Variants in TACR3 observed in about 807,000 individuals in gnomAD.
TACR3 encodes neuromedin-K receptor.
TACR3 carries 34 observed loss-of-function variants against 35.0 expected under a neutral mutation model. The ratio of observed to expected loss-of-function variants is 0.97; its 90% CI spans 0.74 to 1.30. The LOEUF (loss-of-function observed/expected upper bound fraction) is 1.30. Ranked by LOEUF, TACR3 falls within the 50% of genes most tolerant of loss-of-function variation. TACR3 has a pLI of 0.00. For synonymous variants in TACR3, 233 were observed against 221.1 expected, an observed-to-expected ratio of 1.05 and a Z score of -0.48; for missense variants, 558 against 591.7, an observed-to-expected ratio of 0.94 and a Z score of 0.59.
At position 103,591,683 on chromosome 4, in the gene TACR3, C is replaced by T; in HGVS notation, c.889G>A (p.Val297Ile). 6.2e-7 allele frequency: 1 copy of T among 1,610,220 alleles called. No homozygotes were observed. Among genetic ancestry groups the T allele is most frequent in the Non-Finnish European group, 8.5e-7 (1 of 1,178,358 alleles). ...YHEQLKAKRK[V>I]VKMMIIVVMT... ...ACAACAATAATCATCATTTTGACAA[C>T]CTATAAAGAAAAAAAGTCATTTTTG... is the stretch of plus-strand genomic sequence containing the variant. Residue 297 changes from valine (V) to isoleucine (I), a missense_variant and splice_region_variant, in exon 4 of 5, where the codon GTT becomes ATT. Val to Ile is a conservative substitution (Grantham distance 29). Transcript: ENST00000304883.
chr4:103,654,679 TA>T (rs1195633724), intron 3 of TACR3, among the ~76,000 whole-genome samples: 2 of 150,440 alleles, frequency 1.3e-5, no homozygotes, highest in Non-Finnish European at 3.0e-5. Flanking sequence ...ACATGTACCC[TA>T]AAACTTAAAG....
At chr4:103,623,022 T>G (rs767145805) in intron 3 of TACR3, among the ~76,000 whole-genome samples, 7 of 152,082 alleles carry the variant, frequency 4.6e-5, no homozygotes, top group Non-Finnish European at 8.8e-5. Flanking sequence ...CTACCTGTCC[T>G]CCAACTGGAG....
At chr4:103,706,411 C>T (rs573606994) in intron 1 of TACR3, among the ~76,000 whole-genome samples, 2 of 152,072 alleles carry the variant, frequency 1.3e-5, no homozygotes, top group South Asian at 2.1e-4. Context: ...TATCCTGATG[C>T]TAAAGTATAT....
chr4:103,613,469 G>A lies in TACR3; in HGVS notation c.889-21786C>T, dbSNP rs565396514. Among the ~76,000 whole-genome samples the A allele has an allele frequency of 4.6e-5, 7 of 151,076 alleles. No individual in the cohort carries two copies. In the South Asian group the frequency reaches 6.3e-4, roughly 14 times the overall value. On this transcript the variant is annotated intron_variant, in intron 3 of 4. Transcript: ENST00000304883. ...CGAGTAGCTGGGATTACAGGTGTGCGCTACCACGCCCGGCTAATTTTTTTT... is the reference window on the plus strand; with the variant it reads ...CGAGTAGCTGGGATTACAGGTGTGCACTACCACGCCCGGCTAATTTTTTTT...
intron 3 of TACR3, among the ~76,000 whole-genome samples, chr4:103,618,467 G>A (rs1225165617): frequency 6.7e-6 from 1 of 149,054 alleles, no homozygotes; most frequent in Non-Finnish European, 1.5e-5. Flanking sequence ...GTGCCAAACT[G>A]TTTTGGTTAC....
chr4:103,621,385 G>T (rs1457207456), intron 3 of TACR3, among the ~76,000 whole-genome samples: 1 of 152,130 alleles, frequency 6.6e-6, no homozygotes, highest in Non-Finnish European at 1.5e-5. Flanking sequence ...TGTGTTTACA[G>T]GTCAGAGAAA....
At position 103,719,319 on chromosome 4, in the gene TACR3, G is replaced by A; in HGVS notation, c.357C>T (p.Val119=). Residue 119 remains valine, a synonymous_variant, in exon 1 of 5, where the codon GTC becomes GTT. Coordinates refer to ENST00000304883, the MANE Select transcript of TACR3 (RefSeq NM_001059.3). The part of the protein sequence containing the change: ...IILAHKRMRT[V]TNYFLVNLAF... ...CCAGGTTCACAAGGAAGTAGTTGGTGACAGTCCTCATGCGCTTGTGGGCCA... is the reference window on the plus strand; with the variant it reads ...CCAGGTTCACAAGGAAGTAGTTGGTAACAGTCCTCATGCGCTTGTGGGCCA... 6.2e-7 allele frequency: 1 copy of A among 1,614,246 alleles called. No homozygotes were observed. The highest frequency in any genetic ancestry group is 1.1e-5 in the South Asian group (1 of 91,084).
intron 1 of TACR3, among the ~76,000 whole-genome samples, chr4:103,704,104 A>C (rs964227773): frequency 2.1e-5 from 1 of 47,784 alleles, no homozygotes; most frequent in Non-Finnish European, 3.7e-5. Flanking sequence ...ACTCTATCTC[A>C]CAAAAAAAAA....
intron 3 of TACR3, among the ~76,000 whole-genome samples, chr4:103,647,211 A>T (rs1054892242): frequency 2.0e-5 from 3 of 151,924 alleles, no homozygotes; most frequent in Non-Finnish European, 4.4e-5. Flanking sequence ...AAAGACATAA[A>T]GTTTCAAATT....
chr4:103,710,707 G>A (rs1233329594), intron 1 of TACR3, among the ~76,000 whole-genome samples: 2 of 152,096 alleles, frequency 1.3e-5, no homozygotes, highest in East Asian at 1.9e-4. Flanking sequence ...CCAGGAGCTG[G>A]TTTTTTGAAA....
At chr4:103,598,996 C>A (rs1056494493) in intron 3 of TACR3, among the ~76,000 whole-genome samples, 1 of 152,096 alleles carries the variant, frequency 6.6e-6, no homozygotes, top group African/African-American at 2.4e-5. Context: ...TGAAGAAAGT[C>A]ATTGGTAGCT....
intron 1 of TACR3, among the ~76,000 whole-genome samples, chr4:103,684,671 A>G (rs1409312264): frequency 6.6e-6 from 1 of 152,086 alleles, no homozygotes; most frequent in Non-Finnish European, 1.5e-5. Context: ...AAACTCCAGT[A>G]AGATTTCTTT....
At chr4:103,698,521 A>G (rs1722576872) in intron 1 of TACR3, among the ~76,000 whole-genome samples, 1 of 146,708 alleles carries the variant, frequency 6.8e-6, no homozygotes, top group Non-Finnish European at 1.5e-5. Context: ...AACACAATTT[A>G]TCAGAGGATA....
At chr4:103,687,539 T>A (rs1385191393) in intron 1 of TACR3, among the ~76,000 whole-genome samples, 16 of 152,254 alleles carry the variant, frequency 1.1e-4, no homozygotes, top group Middle Eastern at 3.4e-3. Context: ...GATAGGCAAC[T>A]TCAGCAAAGT....
At chr4:103,613,053 T>C (rs972784123) in intron 3 of TACR3, among the ~76,000 whole-genome samples, 1 of 152,196 alleles carries the variant, frequency 6.6e-6, no homozygotes, top group African/African-American at 2.4e-5. Flanking sequence ...TCTTTCTATA[T>C]TGCAAATCTA....
At chr4:103,684,710 A>G (rs923423682) in intron 1 of TACR3, among the ~76,000 whole-genome samples, 1 of 152,062 alleles carries the variant, frequency 6.6e-6, no homozygotes, top group Non-Finnish European at 1.5e-5. Context: ...GTTCTAAAAT[A>G]TCTATTAAGG....
intron 3 of TACR3, among the ~76,000 whole-genome samples, chr4:103,652,476 A>G (rs1187970065): frequency 6.6e-6 from 1 of 152,120 alleles, no homozygotes; most frequent in Non-Finnish European, 1.5e-5. Flanking sequence ...TGGCAATTCA[A>G]GACTGTCTTT....
intron 1 of TACR3, among the ~76,000 whole-genome samples, chr4:103,694,504 T>G (rs986700442): frequency 6.6e-6 from 1 of 152,108 alleles, no homozygotes; most frequent in Non-Finnish European, 1.5e-5. Context: ...AAGTTCCGTT[T>G]TTTAGCCCCT....
chr4:103,645,477 AT>A (rs72460090), intron 3 of TACR3, among the ~76,000 whole-genome samples: 55,041 of 151,680 alleles, frequency 0.36, 10,627 homozygotes, highest in African/African-American at 0.5. Context: ...GCCACAGGAA[AT>A]TTGACATTTA....
Sources: allele counts gnomAD v4.1 joint callset (sites outside exome capture counted in the v4.1 genomes callset), GRCh38; gene constraint gnomAD v4.1.1; transcripts MANE v1.5; gene names NCBI Gene and HGNC (gene_info 2026-07-23, HGNC 2026-07-21).